GABRB3: variants seen among roughly 807,000 people sequenced by gnomAD.
The protein encoded by GABRB3 is gamma-aminobutyric acid receptor subunit beta-3.
GABRB3 carries 14 observed loss-of-function variants against 52.1 expected under a neutral mutation model. That is an observed-to-expected ratio of 0.27 (90% CI 0.18 to 0.42). GABRB3 has a LOEUF of 0.42. Among genes scored for constraint, GABRB3 ranks in the 10% least tolerant of loss-of-function variants. The pLI is 1.00. For missense variants in GABRB3, 307 were observed against 609.1 expected (o/e 0.50, Z 5.22); for synonymous variants, 260 against 232.3 (o/e 1.12, Z -1.08).
chr15:26,764,171 AAAAAAAAAATATATATATATATATAT>A (rs1566834454), intron 3 of GABRB3, among the ~76,000 whole-genome samples: 304 of 21,758 alleles, frequency 0.014, 40 homozygotes, highest in Admixed American at 0.02. Context: ...AAAAAAAAAA[AAAAAAAAAATATATATATATATATAT>A]ATATATATAT....
intron 3 of GABRB3, among the ~76,000 whole-genome samples, chr15:26,636,273 G>T (rs1566785985): frequency 6.6e-6 from 1 of 152,172 alleles, no homozygotes; most frequent in Non-Finnish European, 1.5e-5. Context: ...GGCCCTGCTT[G>T]TGAACTAACC....
intron 8 of GABRB3, among the ~76,000 whole-genome samples, chr15:26,557,063 T>C (rs1160750751): frequency 6.6e-6 from 1 of 152,144 alleles, no homozygotes; most frequent in African/African-American, 2.4e-5. Flanking sequence ...ATAAAGAAAG[T>C]GGGGTACATA....
chr15:26,689,110 G>A (rs1888497902), intron 3 of GABRB3, among the ~76,000 whole-genome samples: 1 of 152,158 alleles, frequency 6.6e-6, no homozygotes, highest in Admixed American at 6.5e-5. Flanking sequence ...TGTAATTTCA[G>A]GACTGACCCA....
intron 3 of GABRB3, among the ~76,000 whole-genome samples, chr15:26,770,648 G>T (rs886298943): frequency 2.0e-5 from 3 of 152,126 alleles, no homozygotes; most frequent in Non-Finnish European, 4.4e-5. Context: ...GTTCTTAAAG[G>T]GCCAAATCAA....
intron 3 of GABRB3, among the ~76,000 whole-genome samples, chr15:26,623,315 T>G (rs1040669607): frequency 1.3e-5 from 2 of 152,178 alleles, no homozygotes; most frequent in Non-Finnish European, 2.9e-5. Flanking sequence ...TCGCAGCCAA[T>G]GAAAGCCACT....
intron 7 of GABRB3, 56 bp downstream of exon 7, chr15:26,567,525 A>T (rs1271399741): frequency 2.2e-5 from 34 of 1,555,990 alleles, no homozygotes; most frequent in Non-Finnish European, 3.0e-5. Flanking sequence ...AACTCTCTTA[A>T]TACTGTAATG....
Position 26,708,341 on chromosome 15 carries a change from T to C in GABRB3, c.240+64061A>G, listed in dbSNP as rs1385830699. Among the ~76,000 whole-genome samples, 3 of 152,306 alleles carry C rather than the reference T, an allele frequency of 2.0e-5. No individual in the cohort carries two copies. The East Asian group carries it at 5.8e-4, about 29-fold the overall frequency. ...TCCACAGATGGCATTTACCAACTAC[T>C]ATTCAGCTCACTTGTTGACTAACTC... On this transcript the variant is annotated intron_variant, in intron 3 of 8. Transcript: ENST00000311550.
At chr15:26,564,397 A>G (rs61996547) in intron 7 of GABRB3, among the ~76,000 whole-genome samples, 4,279 of 152,238 alleles carry the variant, frequency 0.028, 99 homozygotes, top group Non-Finnish European at 0.035. Flanking sequence ...GAAGCATATC[A>G]TGCTGAAGCC....
chr15:26,694,436 A>C (rs1410378136), intron 3 of GABRB3, among the ~76,000 whole-genome samples: 1 of 152,196 alleles, frequency 6.6e-6, no homozygotes, highest in Non-Finnish European at 1.5e-5. Flanking sequence ...GAAGAACTGA[A>C]AGGCTCAGAT....
chr15:26,631,547 T>C lies in GABRB3; in HGVS notation c.241-10013A>G, dbSNP rs142943725. ...GCATTTGCATCTGGTTCAGCAAGTT[T>C]ATGATACAAAACCTTGCAGGTAAGT... On this transcript the variant is annotated intron_variant, in intron 3 of 8. Coordinates refer to ENST00000311550, the MANE Select transcript of GABRB3 (RefSeq NM_000814.6). Among the ~76,000 whole-genome samples, 24 of 152,338 alleles carry C rather than the reference T, an allele frequency of 1.6e-4. No homozygotes were observed. The East Asian group carries it at 4.4e-3, about 28-fold the overall frequency.
chr15:26,701,961 G>A, intron 3 of GABRB3, among the ~76,000 whole-genome samples: 1 of 152,176 alleles, frequency 6.6e-6, no homozygotes, highest in East Asian at 1.9e-4. Flanking sequence ...GACAAAGGTA[G>A]TTAGTTCAAT....
intron 3 of GABRB3, among the ~76,000 whole-genome samples, chr15:26,646,449 A>G (rs1887011426): frequency 6.6e-6 from 1 of 152,182 alleles, no homozygotes; most frequent in Non-Finnish European, 1.5e-5. Flanking sequence ...TAACTGGTTC[A>G]CGCATTTACC....
At position 26,716,953 on chromosome 15, in the gene GABRB3, A is replaced by G. The variant is rs56142489; in HGVS notation, c.240+55449T>C. On this transcript the variant is annotated intron_variant, in intron 3 of 8. Coordinates refer to ENST00000311550, the MANE Select transcript of GABRB3 (RefSeq NM_000814.6). ...TCCACCCAACCACAGCCCAGCTCTG[A>G]GGACCTCCACCCAATGACAGCCCAG... 7.4e-4 allele frequency among the ~76,000 whole-genome samples: 90 copies of G among 121,636 alleles called. 2 individuals carry two copies. In the East Asian group the frequency reaches 0.011, roughly 15 times the overall value. 79.8% of individuals were successfully genotyped at this position (121,636 alleles called of 152,430 possible).
At chr15:26,642,646 T>C (rs1893233848) in intron 3 of GABRB3, 6 of 475,812 alleles carry the variant, frequency 1.3e-5, no homozygotes, top group Non-Finnish European at 2.4e-5. Flanking sequence ...TATAAGCATA[T>C]ATGTAAGTGT....
chr15:26,758,029 G>C (rs1051887190), intron 3 of GABRB3, among the ~76,000 whole-genome samples: 2 of 151,928 alleles, frequency 1.3e-5, no homozygotes, highest in African/African-American at 4.8e-5. Flanking sequence ...TACATTTCAG[G>C]GTTTTGTTCT....
At chr15:26,715,386 T>C (rs1414995894) in intron 3 of GABRB3, among the ~76,000 whole-genome samples, 1 of 152,148 alleles carries the variant, frequency 6.6e-6, no homozygotes, top group Non-Finnish European at 1.5e-5. Context: ...GAGCAACAGA[T>C]ATGATGGTGA....
rs185826996 is a variant in GABRB3 at position 26,686,020 on chromosome 15, C to T, written c.241-64486G>A. Among the ~76,000 whole-genome samples, 46 of 152,142 alleles carry T rather than the reference C, an allele frequency of 3.0e-4. 1 individual carries two copies. The South Asian group carries it at 7.3e-3, about 24-fold the overall frequency. The stretch of plus-strand genomic sequence containing the variant: ...AGAGTGGGATCTCGCTATGCTGCTC[C>T]GGCTGGTCTCGAATTCCTGGCCTCA... On this transcript the variant is annotated intron_variant, in intron 3 of 8. Coordinates refer to ENST00000311550, the MANE Select transcript of GABRB3 (RefSeq NM_000814.6).
chr15:26,626,351 T>C (rs1468814709), intron 3 of GABRB3, among the ~76,000 whole-genome samples: 1 of 152,118 alleles, frequency 6.6e-6, no homozygotes, highest in Non-Finnish European at 1.5e-5. Flanking sequence ...ATTAGGCCAG[T>C]TAGTAGCCCT....
At chr15:26,664,906 G>A (rs1205981243) in intron 3 of GABRB3, among the ~76,000 whole-genome samples, 1 of 151,700 alleles carries the variant, frequency 6.6e-6, no homozygotes, top group Non-Finnish European at 1.5e-5. Context: ...CTCCGTGTTG[G>A]TCAGGCTGGT....
Sources: gnomAD v4.1 joint callset for allele counts (sites outside exome capture counted in the v4.1 genomes callset) on GRCh38, gnomAD v4.1.1 for gene constraint, MANE v1.5 for transcripts, NCBI Gene and HGNC (gene_info 2026-07-23, HGNC 2026-07-21) for gene names.